The following PTPRZ1 variants were observed in gnomAD, a reference collection of about 807,000 sequenced individuals.
PTPRZ1 encodes protein tyrosine phosphatase receptor type Z1.
In PTPRZ1, 82 loss-of-function variants were observed where a neutral mutation model predicts 214.1. The ratio of observed to expected loss-of-function variants is 0.38; its 90% CI spans 0.32 to 0.46. The LOEUF (loss-of-function observed/expected upper bound fraction) is 0.46. Among genes scored for constraint, PTPRZ1 ranks in the 20% least tolerant of loss-of-function variants. The pLI is 1.00. For synonymous variants in PTPRZ1, 945 were observed against 987.9 expected (o/e 0.96, Z 0.81); for missense variants, 2,603 against 2,748.7 (o/e 0.95, Z 1.19).
chr7:121,995,683 G>C (rs184793736), intron 8 of PTPRZ1, among the ~76,000 whole-genome samples: 20 of 152,124 alleles, frequency 1.3e-4, no homozygotes, highest in African/African-American at 4.6e-4. Context: ...TAACAAAATG[G>C]GATTTTTGTC....
intron 2 of PTPRZ1, among the ~76,000 whole-genome samples, chr7:121,930,690 G>A (rs1355810769): frequency 1.3e-5 from 2 of 151,980 alleles, no homozygotes; most frequent in Non-Finnish European, 2.9e-5. Context: ...GTTTTTGTAT[G>A]TACTACCAAT....
At chr7:121,986,150 A>C (rs940823666) in intron 8 of PTPRZ1, among the ~76,000 whole-genome samples, 1 of 152,208 alleles carries the variant, frequency 6.6e-6, no homozygotes, top group East Asian at 1.9e-4. Context: ...AGTAATAGCT[A>C]CTGTGTATTG....
chr7:121,984,220 G>A, intron 8 of PTPRZ1, 103 bp downstream of exon 8: 3 of 1,012,922 alleles, frequency 3.0e-6, no homozygotes, highest in Non-Finnish European at 4.1e-6. Context: ...CTTTAGAAAT[G>A]TTTTAATTAT....
At chr7:122,031,762 C>T (rs115123879) in intron 15 of PTPRZ1, 1 of 329,208 alleles carries the variant, frequency 3.0e-6, no homozygotes, top group African/African-American at 2.1e-5. Context: ...TTTTAAAAGC[C>T]AAGTTGTACT....
chr7:122,030,432 C>T (rs1214955284), intron 14 of PTPRZ1, among the ~76,000 whole-genome samples: 2 of 152,018 alleles, frequency 1.3e-5, no homozygotes, highest in African/African-American at 4.8e-5. Flanking sequence ...TGTGACAAAT[C>T]ATTTCTGTTT....
intron 1 of PTPRZ1, among the ~76,000 whole-genome samples, chr7:121,912,547 T>C (rs1795309770): frequency 6.6e-6 from 1 of 152,126 alleles, no homozygotes; most frequent in African/African-American, 2.4e-5. Context: ...CATGGAAATA[T>C]AGATGCTTAG....
chr7:122,026,302 G>A (rs1799205581), intron 13 of PTPRZ1, among the ~76,000 whole-genome samples: 1 of 152,104 alleles, frequency 6.6e-6, no homozygotes, highest in African/African-American at 2.4e-5. Context: ...CTTTTTAAAG[G>A]CATTTTACAA....
intron 13 of PTPRZ1, among the ~76,000 whole-genome samples, chr7:122,020,136 T>C (rs1446360867): frequency 6.6e-6 from 1 of 152,206 alleles, no homozygotes; most frequent in Non-Finnish European, 1.5e-5. Context: ...GTATCAGCAC[T>C]CTTTATGTGT....
At chr7:121,882,565 A>G (rs1306263441) in intron 1 of PTPRZ1, among the ~76,000 whole-genome samples, 1 of 152,140 alleles carries the variant, frequency 6.6e-6, no homozygotes, top group Non-Finnish European at 1.5e-5. Context: ...GGTAGGTAGG[A>G]TTTACAATGG....
Position 121,873,451 on chromosome 7 carries a change from T to G in PTPRZ1, c.-49T>G, listed in dbSNP as rs764456636. The G allele has an allele frequency of 1.1e-5, 17 of 1,596,994 alleles. No individual in the cohort carries two copies. Among genetic ancestry groups the G allele is most frequent in the Non-Finnish European group, 1.2e-5 (14 of 1,166,976 alleles). On this transcript the variant is annotated 5_prime_UTR_variant, in exon 1 of 30. Transcript: ENST00000393386. The stretch of plus-strand genomic sequence containing the variant: ...TCCTTCGCTCCCCCTCCCTCTCCAC[T>G]CTGAGAAGCAGAGGAGCCGCACGGC...
intron 1 of PTPRZ1, among the ~76,000 whole-genome samples, chr7:121,880,916 T>C (rs1794219570): frequency 2.6e-5 from 4 of 152,176 alleles, no homozygotes; most frequent in Admixed American, 2.0e-4. Context: ...GATATTATTG[T>C]CATGTGTGTT....
chr7:121,971,425 G>A (rs764711146), intron 3 of PTPRZ1, among the ~76,000 whole-genome samples: 2 of 152,084 alleles, frequency 1.3e-5, no homozygotes, highest in Non-Finnish European at 2.9e-5. Flanking sequence ...TCTGAAGGCG[G>A]CTATTTTTAT....
chr7:121,934,904 C>T (rs548648457), intron 2 of PTPRZ1, among the ~76,000 whole-genome samples: 3 of 152,264 alleles, frequency 2.0e-5, no homozygotes, highest in African/African-American at 7.2e-5. Flanking sequence ...TGATCTGAAA[C>T]TCAGAACCTA....
chr7:121,998,452 G>GT, intron 10 of PTPRZ1, among the ~76,000 whole-genome samples: 1 of 152,178 alleles, frequency 6.6e-6, no homozygotes, highest in African/African-American at 2.4e-5. Flanking sequence ...CATCTCAAGA[G>GT]TTTGTCTTAG....
At position 122,011,487 on chromosome 7, in the gene PTPRZ1, A is replaced by G; in HGVS notation, c.2441A>G (p.Tyr814Cys). The change falls in exon 12 of 30, where the codon TAT becomes TGT. Residue 814 changes from tyrosine to cysteine, a missense_variant. Physicochemically the swap from Tyr to Cys is radical, Grantham distance 194. Around this residue, in one of 6 missense-constraint regions of PTPRZ1, gnomAD observed 1,913 missense variants for 1,914.3 expected, o/e 1.00. Coordinates refer to ENST00000393386, the MANE Select transcript of PTPRZ1 (RefSeq NM_002851.3). ...DVSFESILSS[Y>C]DGAPLLPFSS... ...TCATTTGAATCCATCCTGTCTTCCTATGATGGTGCACCTTTGCTTCCATTT... is the reference window on the plus strand; with the variant it reads ...TCATTTGAATCCATCCTGTCTTCCTGTGATGGTGCACCTTTGCTTCCATTT... 1.9e-6 allele frequency: 3 copies of G among 1,613,998 alleles called. No individual in the cohort carries two copies. The highest frequency in any genetic ancestry group is 1.1e-5 in the South Asian group (1 of 91,072).
intron 23 of PTPRZ1, among the ~76,000 whole-genome samples, chr7:122,047,342 G>T (rs765526167): frequency 7.9e-5 from 12 of 152,108 alleles, no homozygotes; most frequent in Non-Finnish European, 1.2e-4. Flanking sequence ...TAAGATTTGG[G>T]GGTTGTTTAT....
chr7:121,912,909 G>A (rs1253959526), intron 1 of PTPRZ1, among the ~76,000 whole-genome samples: 2 of 151,978 alleles, frequency 1.3e-5, no homozygotes, highest in African/African-American at 2.4e-5. Context: ...AACAGAGACG[G>A]GTAAATGAAT....
chr7:121,945,691 C>T (rs1489761038), intron 2 of PTPRZ1, among the ~76,000 whole-genome samples: 1 of 152,144 alleles, frequency 6.6e-6, no homozygotes, highest in African/African-American at 2.4e-5. Context: ...ATACCTACTT[C>T]TCCTTTAAAT....
At chr7:121,977,577 C>G (rs1797480597) in intron 6 of PTPRZ1, among the ~76,000 whole-genome samples, 1 of 152,138 alleles carries the variant, frequency 6.6e-6, no homozygotes, top group South Asian at 2.1e-4. Flanking sequence ...AAACAAAACT[C>G]ATGTAGATCC....
Sources: gnomAD v4.1 joint callset for allele counts (sites outside exome capture counted in the v4.1 genomes callset) on GRCh38, gnomAD v4.1.1 for gene constraint, gnomAD v4.1.1 regional missense constraint, MANE v1.5 for transcripts, NCBI Gene and HGNC (gene_info 2026-07-23, HGNC 2026-07-21) for gene names.